PIEZO1: variants seen among roughly 807,000 people sequenced by gnomAD.
The protein encoded by PIEZO1 is piezo type mechanosensitive ion channel component 1 (Er blood group).
PIEZO1 carries 296 observed loss-of-function variants against 297.2 expected under a neutral mutation model. That is an observed-to-expected ratio of 1.00 (90% CI 0.91 to 1.10). The LOEUF is 1.10. Ranked by LOEUF, PIEZO1 falls within the 50% of genes least tolerant of loss-of-function variation. The pLI is 0.00. For missense variants in PIEZO1, 5,018 were observed against 3,455.5 expected, an observed-to-expected ratio of 1.45 and a Z score of -11.34; for synonymous variants, 2,427 against 1,507.5, an observed-to-expected ratio of 1.61 and a Z score of -14.13.
chr16:88,730,206 C>G (rs1298106163), intron 22 of PIEZO1, among the ~76,000 whole-genome samples: 1 of 152,240 alleles, frequency 6.6e-6, no homozygotes, highest in Non-Finnish European at 1.5e-5. Flanking sequence ...ACCTCACGCT[C>G]CTAGAACTCG....
Position 88,735,147 on chromosome 16 carries a change from C to T in PIEZO1, c.1657G>A (p.Val553Met), listed in dbSNP as rs781291651. The change falls in exon 13 of 51, where the codon GTG becomes ATG. Residue 553 changes from valine (V) to methionine (M), a missense_variant. Val to Met is a conservative substitution (Grantham distance 21). Transcript: ENST00000301015. ...ESPAALTEVT[V>M]ADTEPTRTQT... The stretch of plus-strand genomic sequence containing the variant: ...GCCCACCACTCACCTGTGTCTGCCA[C>T]GGTGACCTCCGTCAGCGCAGCTGGA... 24 of 1,549,864 alleles carry T rather than the reference C, an allele frequency of 1.5e-5. No individual in the cohort carries two copies. In the Admixed American group the frequency reaches 2.5e-4, roughly 16 times the overall value.
chr16:88,723,127 TCCACCTCCTGGCTGGGA>T lies in PIEZO1; in HGVS notation c.4446_4462del (p.Pro1483AlafsTer36). The T allele has an allele frequency of 6.5e-7, 1 of 1,548,940 alleles. No individual in the cohort carries two copies. The highest frequency in any genetic ancestry group is 8.7e-7 in the Non-Finnish European group (1 of 1,146,804). Reference sequence around the variant, plus strand: ...TGCCTCCTCGGGGCCCTCTGCTGGCTCCACCTCCTGGCTGGGACCACCTCCTGGGCACAGGATGCTGG... The same window carrying T: ...TGCCTCCTCGGGGCCCTCTGCTGGCTCCACCTCCTGGGCACAGGATGCTGG... On this transcript the variant is annotated frameshift_variant, in exon 33 of 51. Transcript: ENST00000301015. LOFTEE classifies it high-confidence loss of function.
chr16:88,780,399 G>A (rs1016885095), intron 1 of PIEZO1, among the ~76,000 whole-genome samples: 15 of 151,882 alleles, frequency 9.9e-5, no homozygotes, highest in African/African-American at 3.6e-4. Flanking sequence ...GGTAGGGGAA[G>A]GGGGGGTCCC....
chr16:88,737,217 C>G, intron 10 of PIEZO1: 1 of 260,644 alleles, frequency 3.8e-6, no homozygotes, highest in Middle Eastern at 1.2e-3. Context: ...CACTGGGCCA[C>G]CTGGAGCAGC....
chr16:88,736,787 T>C lies in PIEZO1; in HGVS notation c.1196-48A>G, dbSNP rs4782410. ...GCTTCGGCAGGTTGATCTGCAGGCC[T>C]CCCCACCCTGACTATGCCCTAAAAT... On this transcript the variant is annotated intron_variant, in intron 10 of 50. Coordinates refer to ENST00000301015, the MANE Select transcript of PIEZO1 (RefSeq NM_001142864.4). The C allele has an allele frequency of 1, 1,176,456 of 1,178,790 alleles. 587,065 individuals are homozygous for C. The highest frequency in any genetic ancestry group is 1 in the East Asian group (38,442 of 38,446). 73.0% of individuals were successfully genotyped at this position (1,178,790 alleles called of 1,614,324 possible).
chr16:88,775,726 C>CAAAAA (rs3052234), intron 1 of PIEZO1, among the ~76,000 whole-genome samples: 4 of 98,674 alleles, frequency 4.1e-5, no homozygotes, highest in Admixed American at 2.3e-4. Context: ...AAGACGCTGT[C>CAAAAA]AAAAAAAAAA....
chr16:88,781,148 G>A (rs1053952867), intron 1 of PIEZO1, among the ~76,000 whole-genome samples: 1 of 152,226 alleles, frequency 6.6e-6, no homozygotes, highest in Non-Finnish European at 1.5e-5. Context: ...GCGGGCAGAT[G>A]AGGCCGTCAA....
At position 88,737,739 on chromosome 16, in the gene PIEZO1, C is replaced by T. The variant is rs1300222901; in HGVS notation, c.1096G>A (p.Glu366Lys). The change falls in exon 9 of 51, where the codon GAG becomes AAG. Residue 366 changes from glutamate to lysine, a missense_variant. Coordinates refer to ENST00000301015, the MANE Select transcript of PIEZO1 (RefSeq NM_001142864.4). ...AELDQWPQER[E>K]SDQHVVPTAP... ...GCCTGGCTGCTCACCTGGTCAGACTCCCGTTCCTGGGGCCACTGGTCCAGC... is the reference window on the plus strand; with the variant it reads ...GCCTGGCTGCTCACCTGGTCAGACTTCCGTTCCTGGGGCCACTGGTCCAGC... The T allele has an allele frequency of 1.3e-6, 2 of 1,535,708 alleles. No homozygotes were observed. The highest frequency in any genetic ancestry group is 1.7e-6 in the Non-Finnish European group (2 of 1,146,690).
chr16:88,768,122 G>A (rs1464123736), intron 1 of PIEZO1, among the ~76,000 whole-genome samples: 2 of 131,192 alleles, frequency 1.5e-5, no homozygotes, highest in African/African-American at 9.2e-5. Context: ...GGGGGGCCCA[G>A]GGCCCAGGGC....
intron 31 of PIEZO1, among the ~76,000 whole-genome samples, chr16:88,723,590 C>CA (rs948352986): frequency 6.6e-6 from 1 of 152,268 alleles, no homozygotes; most frequent in Non-Finnish European, 1.5e-5. Context: ...GCGGCCAGCA[C>CA]AAAGGTGTTG....
At chr16:88,770,449 C>T (rs537232855) in intron 1 of PIEZO1, among the ~76,000 whole-genome samples, 1 of 152,326 alleles carries the variant, frequency 6.6e-6, no homozygotes, top group African/African-American at 2.4e-5. Flanking sequence ...CAGGCTGTAG[C>T]GAGGATGGCA....
At chr16:88,779,818 G>C (rs1335638277) in intron 1 of PIEZO1, among the ~76,000 whole-genome samples, 1 of 152,158 alleles carries the variant, frequency 6.6e-6, no homozygotes, top group Admixed American at 6.5e-5. Context: ...ACGGACCCCC[G>C]GCCACCGCGG....
chr16:88,725,089 G>C lies in PIEZO1; in HGVS notation c.4163-9C>G. On this transcript the variant is annotated splice_polypyrimidine_tract_variant and intron_variant, in intron 29 of 50. Transcript: ENST00000301015. ...CCCTGGACTGTCGGGCCCTGTGGAG[G>C]GGCAGGGTGAGCATGAGGCAGCAGT... 1.3e-6 allele frequency: 2 copies of C among 1,506,914 alleles called. No individual in the cohort carries two copies. Among genetic ancestry groups the C allele is most frequent in the Non-Finnish European group, 1.8e-6 (2 of 1,130,570 alleles). 93.3% of individuals were successfully genotyped at this position (1,506,914 alleles called of 1,614,324 possible). A position where few individuals can be genotyped will look rare whatever the true frequency, so the allele number is the denominator to read the frequency against.
chr16:88,749,079 T>TA (rs918573399), intron 2 of PIEZO1, among the ~76,000 whole-genome samples: 1 of 148,086 alleles, frequency 6.8e-6, no homozygotes, highest in Non-Finnish European at 1.5e-5. Context: ...CTACTAAAAA[T>TA]ACAAAAAAAA....
chr16:88,730,133 G>A (rs555027908), intron 22 of PIEZO1, among the ~76,000 whole-genome samples: 2 of 152,368 alleles, frequency 1.3e-5, no homozygotes, highest in African/African-American at 2.4e-5. Context: ...GAGCTGGAGG[G>A]CCCAGAGGCT....
chr16:88,730,466 T>C, intron 22 of PIEZO1, among the ~76,000 whole-genome samples: 1 of 151,876 alleles, frequency 6.6e-6, no homozygotes, highest in African/African-American at 2.4e-5. Context: ...GGCCTGGTGG[T>C]GCTTGCCTGT....
chr16:88,720,898 AGCTGGGGCTGTGTCCTCTGTCT>A, intron 39 of PIEZO1, 150 bp from the exon 40 acceptor site: 1 of 1,029,084 alleles, frequency 9.7e-7, no homozygotes, highest in South Asian at 1.7e-5. Context: ...GCAAGGAGAC[AGCTGGGGCTGTGTCCTCTGTCT>A]GGGGCAACTG....
chr16:88,719,923 A>C lies in PIEZO1; in HGVS notation c.6202T>G (p.Phe2068Val). Reference protein sequence around the residue: ...NQNVVAQLWYFVKCIYFALSA... With the variant: ...NQNVVAQLWYVVKCIYFALSA... ...AGGGCGAAGTAGATGCACTTCACGA[A>C]GTACCAGAGCTGGGCCACCACATTC... The change falls in exon 43 of 51, where the codon TTC becomes GTC. Residue 2068 changes from phenylalanine to valine, a missense_variant. Physicochemically the swap from Phe to Val is conservative, Grantham distance 50 (BLOSUM62 -1). Coordinates refer to ENST00000301015, the MANE Select transcript of PIEZO1 (RefSeq NM_001142864.4). The C allele has an allele frequency of 6.4e-7, 1 of 1,550,392 alleles. No homozygotes were observed. The highest frequency in any genetic ancestry group is 1.2e-5 in the South Asian group (1 of 84,064).
intron 45 of PIEZO1, 55 bp downstream of exon 45, chr16:88,716,968 C>G (rs1330707688): frequency 6.5e-7 from 1 of 1,547,112 alleles, no homozygotes; most frequent in Non-Finnish European, 8.7e-7. Context: ...GGTGCACCAC[C>G]TTGGCCAGAA....
Sources: gnomAD v4.1 joint callset for allele counts (sites outside exome capture counted in the v4.1 genomes callset) on GRCh38, gnomAD v4.1.1 for gene constraint, MANE v1.5 for transcripts, NCBI Gene and HGNC (gene_info 2026-07-23, HGNC 2026-07-21) for gene names.